Variants in ADGB observed in about 807,000 individuals in gnomAD.
ADGB encodes androglobin, also known as calpain-7-like protein.
In ADGB, 172 loss-of-function variants were observed where a neutral mutation model predicts 210.5. The observed-to-expected ratio is 0.82, with a 90% CI of 0.72 to 0.93. ADGB has a LOEUF of 0.93. ADGB is among the 40% of genes least tolerant of loss of function. The probability of loss-of-function intolerance (pLI) is 0.00; values close to 1 mark genes in which losing one functional copy is unlikely to be tolerated. For synonymous variants in ADGB, 658 were observed against 662.7 expected (o/e 0.99, Z 0.11); for missense variants, 2,025 against 1,964.8 (o/e 1.03, Z -0.58).
intron 1 of ADGB, among the ~76,000 whole-genome samples, chr6:146,600,922 A>C (rs1294398352): frequency 2.4e-5 from 2 of 83,442 alleles, no homozygotes; most frequent in African/African-American, 4.7e-5. Flanking sequence ...CCCCTCCCCC[A>C]TGCGCACACA....
intron 32 of ADGB, among the ~76,000 whole-genome samples, chr6:146,786,085 C>A (rs1777868913): frequency 6.7e-6 from 1 of 148,634 alleles, no homozygotes. Context: ...CAGACTTAAA[C>A]AATAACAAAA....
intron 2 of ADGB, among the ~76,000 whole-genome samples, chr6:146,636,549 T>G (rs1015556141): frequency 6.6e-6 from 1 of 152,058 alleles, no homozygotes; most frequent in African/African-American, 2.4e-5. Context: ...AAAATTGGCA[T>G]ATTCTATGTA....
chr6:146,690,735 C>T (rs1776292730), intron 10 of ADGB, among the ~76,000 whole-genome samples: 1 of 152,124 alleles, frequency 6.6e-6, no homozygotes, highest in African/African-American at 2.4e-5. Context: ...AATTAGGTAG[C>T]AATGGCTAGT....
At chr6:146,714,749 G>A (rs1316042376) in intron 13 of ADGB, among the ~76,000 whole-genome samples, 1 of 152,074 alleles carries the variant, frequency 6.6e-6, no homozygotes, top group Non-Finnish European at 1.5e-5. Flanking sequence ...GCTTTGCTTT[G>A]CACTTAGTAT....
chr6:146,684,909 G>T (rs894596597), intron 9 of ADGB, among the ~76,000 whole-genome samples: 2 of 152,048 alleles, frequency 1.3e-5, no homozygotes, highest in Non-Finnish European at 2.9e-5. Context: ...GTAAAAGTAT[G>T]TTTCTCTAAG....
In ADGB at chr6:146,656,979, T is replaced by C. The variant is rs1562266473; in HGVS notation, c.611T>C (p.Met204Thr). Residue 204 changes from methionine to threonine, a missense_variant and splice_region_variant, in exon 5 of 36, where the codon ATG (methionine) becomes ACG (threonine). Physicochemically the swap from Met to Thr is moderately conservative, Grantham distance 81. Transcript: ENST00000397944. The stretch of plus-strand genomic sequence containing the variant: ...AAGTATGTTGTGAAACTTTACTGGA[T>C]GGTAAGTCCATTTTCGTGTGCATAA... The part of the protein sequence containing the change: ...YGKYVVKLYW[M>T]GCWRKITIDD... 1.9e-6 allele frequency: 3 copies of C among 1,548,436 alleles called. No homozygotes were observed. Among genetic ancestry groups the C allele is most frequent in the Non-Finnish European group, 2.6e-6 (3 of 1,144,470 alleles).
At chr6:146,787,601 G>A (rs537574364) in intron 32 of ADGB, among the ~76,000 whole-genome samples, 4 of 151,624 alleles carry the variant, frequency 2.6e-5, no homozygotes, top group African/African-American at 9.7e-5. Context: ...ATCGACTTTT[G>A]ACTACTGACT....
intron 12 of ADGB, among the ~76,000 whole-genome samples, chr6:146,698,797 G>A (rs1381212901): frequency 1.3e-5 from 2 of 152,044 alleles, no homozygotes; most frequent in Non-Finnish European, 2.9e-5. Context: ...TACCCGGCTG[G>A]TCTCAAACTT....
chr6:146,619,165 G>GT (rs113769529), intron 1 of ADGB, among the ~76,000 whole-genome samples: 13 of 149,972 alleles, frequency 8.7e-5, no homozygotes, highest in South Asian at 6.3e-4. Flanking sequence ...CTTAAAGTTT[G>GT]TTTTTTCTGA....
At chr6:146,799,404 C>T (rs1778091105) in intron 33 of ADGB, among the ~76,000 whole-genome samples, 3 of 151,816 alleles carry the variant, frequency 2.0e-5, no homozygotes, top group East Asian at 1.9e-4. Context: ...CGTGGTGGCA[C>T]GTGCCTGTAA....
chr6:146,782,214 T>A, intron 30 of ADGB, 22 bp downstream of exon 30: 4 of 1,498,786 alleles, frequency 2.7e-6, no homozygotes, highest in Non-Finnish European at 3.5e-6. Context: ...ATTTTTTTTA[T>A]TTGAGTGACT....
At chr6:146,638,149 T>C (rs1775451309) in intron 2 of ADGB, among the ~76,000 whole-genome samples, 1 of 151,998 alleles carries the variant, frequency 6.6e-6, no homozygotes, top group Non-Finnish European at 1.5e-5. Flanking sequence ...CATGATTATC[T>C]CAATAGATGC....
Position 146,768,104 on chromosome 6 carries a change from A to G in ADGB, c.3751-916A>G, listed in dbSNP as rs1291591564. ...TAACCCAATCCACTGATGGACACAG[A>G]TGACTTGAATAAATAGAGAAGCATT... On this transcript the variant is annotated intron_variant, in intron 28 of 35. Transcript: ENST00000397944. Among the ~76,000 whole-genome samples the G allele has an allele frequency of 3.3e-5, 5 of 152,252 alleles. No individual in the cohort carries two copies. In the East Asian group the frequency reaches 9.6e-4, roughly 29 times the overall value.
At chr6:146,616,664 A>G (rs551515318) in intron 1 of ADGB, among the ~76,000 whole-genome samples, 2 of 152,208 alleles carry the variant, frequency 1.3e-5, no homozygotes, top group African/African-American at 4.8e-5. Flanking sequence ...CAATTTCCCC[A>G]GTACCATTTA....
intron 1 of ADGB, among the ~76,000 whole-genome samples, chr6:146,622,682 T>C (rs1374906051): frequency 6.6e-6 from 1 of 152,098 alleles, no homozygotes; most frequent in African/African-American, 2.4e-5. Context: ...GGCAGTCTTT[T>C]TATTCTATTA....
chr6:146,692,515 C>A (rs1776344148), intron 11 of ADGB, among the ~76,000 whole-genome samples: 1 of 152,128 alleles, frequency 6.6e-6, no homozygotes, highest in African/African-American at 2.4e-5. Context: ...TATAGAAACT[C>A]ATTCCTGTAC....
chr6:146,713,759 C>T (rs576659327), intron 13 of ADGB, among the ~76,000 whole-genome samples: 3 of 151,496 alleles, frequency 2.0e-5, no homozygotes, highest in East Asian at 3.9e-4. Flanking sequence ...TATTTTGATG[C>T]TCAACTTACC....
At chr6:146,788,919 C>A (rs184346175) in intron 33 of ADGB, among the ~76,000 whole-genome samples, 1 of 152,116 alleles carries the variant, frequency 6.6e-6, no homozygotes, top group African/African-American at 2.4e-5. Flanking sequence ...ATACACTTCT[C>A]GTTAAACACA....
At position 146,760,032 on chromosome 6, in the gene ADGB, G is replaced by A. The variant is rs535612642; in HGVS notation, c.3551-3869G>A. On this transcript the variant is annotated intron_variant, in intron 27 of 35. Coordinates refer to ENST00000397944, the MANE Select transcript of ADGB (RefSeq NM_024694.4). ...GCCCTTTTACCTATGTGTTTCTAATGTTTTTGTAAAAATAATGAGTTATGA... is the reference window on the plus strand; with the variant it reads ...GCCCTTTTACCTATGTGTTTCTAATATTTTTGTAAAAATAATGAGTTATGA... 7.2e-5 allele frequency among the ~76,000 whole-genome samples: 11 copies of A among 151,814 alleles called. No homozygotes were observed. The South Asian group carries it at 2.3e-3, about 32-fold the overall frequency.
Sources: gnomAD v4.1 joint callset for allele counts (sites outside exome capture counted in the v4.1 genomes callset) on GRCh38, gnomAD v4.1.1 for gene constraint, MANE v1.5 for transcripts, NCBI Gene and HGNC (gene_info 2026-07-23, HGNC 2026-07-21) for gene names.